PCDHGA12: variants seen among roughly 807,000 people sequenced by gnomAD.
PCDHGA12 encodes protocadherin gamma-A12.
Under a neutral mutation model 61.1 loss-of-function variants are expected in PCDHGA12, and 43 were observed. That is an observed-to-expected ratio of 0.70 (90% confidence interval 0.55 to 0.91). The LOEUF is 0.91. PCDHGA12 is among the 40% of genes least tolerant of loss of function. PCDHGA12 has a pLI of 0.00. For synonymous variants in PCDHGA12, 520 were observed against 542.9 expected (o/e 0.96, Z 0.59); for missense variants, 1,236 against 1,227.7 (o/e 1.01, Z -0.10).
Position 141,431,518 on chromosome 5 carries a change from G to T in PCDHGA12, c.759G>T (p.Glu253Asp). 6.2e-7 allele frequency: 1 copy of T among 1,614,090 alleles called. No individual in the cohort carries two copies. Among genetic ancestry groups the T allele is most frequent in the Non-Finnish European group, 8.5e-7 (1 of 1,180,038 alleles). ...CCGAGTACCGCGCGAGCGTTCCGGA[G>T]AATCTGGCCTTGGGCACGCAGCTGC... ...AQPEYRASVP[E>D]NLALGTQLLV... is the part of the protein sequence containing the mutation. Residue 253 changes from glutamate (E) to aspartate (D), a missense_variant, in exon 1 of 4, where the codon GAG becomes GAT. Glu to Asp is a conservative substitution (Grantham distance 45, BLOSUM62 2). Coordinates refer to ENST00000252085, the MANE Select transcript of PCDHGA12 (RefSeq NM_003735.3). The surrounding 1 kb of genome is among the most constrained non-coding windows in gnomAD (Gnocchi z 4.8).
In PCDHGA12 at chr5:141,476,776, G is replaced by A. The variant is rs764674164; in HGVS notation, c.2425-18031G>A. 9.3e-6 allele frequency: 15 copies of A among 1,612,744 alleles called. No homozygotes were observed. The highest frequency in any genetic ancestry group is 1.3e-5 in the Non-Finnish European group (15 of 1,179,218). On this transcript the variant is annotated intron_variant, in intron 1 of 3. Coordinates refer to ENST00000252085, the MANE Select transcript of PCDHGA12 (RefSeq NM_003735.3). This position sits in a 1 kb window ranked among gnomAD's most constrained non-coding sequence, Gnocchi z 7.6. ...TAGTGCTGACGGCGTTGGACGGAGG[G>A]ACCCCAGCTCTCTCCGCCAGCCTGC...
At chr5:141,467,373 T>C (rs2099143070) in intron 1 of PCDHGA12, among the ~76,000 whole-genome samples, 1 of 152,064 alleles carries the variant, frequency 6.6e-6, no homozygotes, top group Non-Finnish European at 1.5e-5. Context: ...TTTCTTATAT[T>C]GCATTTAGGT....
intron 1 of PCDHGA12, among the ~76,000 whole-genome samples, chr5:141,481,794 A>C (rs1433830305): frequency 6.6e-6 from 1 of 152,136 alleles, no homozygotes; most frequent in East Asian, 1.9e-4. Context: ...TCTACTAAAA[A>C]TACAAAAATT....
At chr5:141,475,889 T>C in intron 1 of PCDHGA12, 1 of 562,248 alleles carries the variant, frequency 1.8e-6, no homozygotes, top group Non-Finnish European at 3.1e-6. Context: ...GCTGGGACTC[T>C]GTGTGCCGCT....
intron 2 of PCDHGA12, among the ~76,000 whole-genome samples, chr5:141,504,355 C>T (rs974022699): frequency 6.6e-6 from 1 of 152,078 alleles, no homozygotes; most frequent in Non-Finnish European, 1.5e-5. Flanking sequence ...GTGCTAGGTG[C>T]TTCAGTAGGA....
intron 1 of PCDHGA12, among the ~76,000 whole-genome samples, chr5:141,436,677 G>T (rs966497986): frequency 2.2e-4 from 33 of 152,278 alleles, no homozygotes; most frequent in Non-Finnish European, 2.9e-5. Flanking sequence ...CCAAAAAAAG[G>T]ATTTATATTT....
Position 141,431,354 on chromosome 5 carries a change from G to GCC in PCDHGA12, c.597_598dup (p.Leu200ProfsTer32). The GCC allele has an allele frequency of 6.2e-7, 1 of 1,614,036 alleles. No individual in the cohort carries two copies. Among genetic ancestry groups the GCC allele is most frequent in the African/African-American group, 1.3e-5 (1 of 75,052 alleles). On this transcript the variant is annotated frameshift_variant, in exon 1 of 4. Transcript: ENST00000252085. LOFTEE classifies it high-confidence loss of function. This position sits in a 1 kb window ranked among gnomAD's most constrained non-coding sequence, Gnocchi z 4.8. Reference sequence around the variant, plus strand: ...GTACCCCGAATTGGTGCTGAAACGCGCCCTGGACCGCGAAGAAAAGGCTGC... The same window carrying GCC: ...GTACCCCGAATTGGTGCTGAAACGCGCCCCCTGGACCGCGAAGAAAAGGCTGC...
At chr5:141,445,020 C>T (rs2098454249) in intron 1 of PCDHGA12, among the ~76,000 whole-genome samples, 1 of 152,130 alleles carries the variant, frequency 6.6e-6, no homozygotes, top group Non-Finnish European at 1.5e-5. Flanking sequence ...TTTAATTTCT[C>T]TCAGCTATGT....
At chr5:141,469,994 C>T (rs948868787) in intron 1 of PCDHGA12, among the ~76,000 whole-genome samples, 2 of 151,830 alleles carry the variant, frequency 1.3e-5, no homozygotes, top group Non-Finnish European at 1.5e-5. Flanking sequence ...AGCTGGTCGT[C>T]GTGGCACGCC....
intron 1 of PCDHGA12, among the ~76,000 whole-genome samples, chr5:141,480,959 C>A (rs1476891394): frequency 1.3e-5 from 2 of 152,086 alleles, no homozygotes; most frequent in East Asian, 3.8e-4. Flanking sequence ...GCGGAAGCAT[C>A]AGTGAGGGAG....
In PCDHGA12 at chr5:141,491,410, G is replaced by T. The variant is rs777207581; in HGVS notation, c.2425-3397G>T. On this transcript the variant is annotated intron_variant, in intron 1 of 3. Transcript: ENST00000252085. The surrounding 1 kb of genome is among the most constrained non-coding windows in gnomAD (Gnocchi z 6.9). ...GTGCCTTCAGGGAAACGCAGACGGG[G>T]ACGGGGGTGGAGGGCAGTGCTGCAG... 28 of 1,614,142 alleles carry T rather than the reference G, an allele frequency of 1.7e-5. No individual in the cohort carries two copies. The highest frequency in any genetic ancestry group is 2.4e-5 in the Non-Finnish European group (28 of 1,180,034).
In PCDHGA12 at chr5:141,486,671, C is replaced by A. The variant is rs1307620045; in HGVS notation, c.2425-8136C>A. On this transcript the variant is annotated intron_variant, in intron 1 of 3. Coordinates refer to ENST00000252085, the MANE Select transcript of PCDHGA12 (RefSeq NM_003735.3). The surrounding 1 kb of genome is among the most constrained non-coding windows in gnomAD (Gnocchi z 5.0). The stretch of plus-strand genomic sequence containing the variant: ...CTACTCACTCCTGGAGCCCAGGAAT[C>A]GAGATGTATCAGCTTCCTCTTTCAT... 1.9e-6 allele frequency: 3 copies of A among 1,614,044 alleles called. No individual in the cohort carries two copies. The highest frequency in any genetic ancestry group is 2.5e-6 in the Non-Finnish European group (3 of 1,180,014).
intron 1 of PCDHGA12, 43 bp downstream of exon 1, chr5:141,433,226 C>G (rs1433770157): frequency 6.6e-7 from 1 of 1,514,890 alleles, no homozygotes; most frequent in Non-Finnish European, 9.0e-7. Context: ...TTTTTAATTG[C>G]TCTGTCTCCC....
At chr5:141,437,096 C>T (rs989863634) in intron 1 of PCDHGA12, among the ~76,000 whole-genome samples, 6 of 152,122 alleles carry the variant, frequency 3.9e-5, no homozygotes, top group Non-Finnish European at 8.8e-5. Context: ...AAACTAACGG[C>T]TTAGCTTTAG....
rs1032345173 is a variant in PCDHGA12 at position 141,468,852 on chromosome 5, C to T, written c.2425-25955C>T. Among the ~76,000 whole-genome samples the T allele has an allele frequency of 7.2e-5, 11 of 151,868 alleles. No individual in the cohort carries two copies. In the East Asian group the frequency reaches 9.7e-4, roughly 13 times the overall value. On this transcript the variant is annotated intron_variant, in intron 1 of 3. Transcript: ENST00000252085. ...CTGCACTCCAGCCTGGGCAACAGAG[C>T]GAGACTCCATCTCAAAAATAATAAT... is the stretch of plus-strand genomic sequence containing the variant.
At chr5:141,484,916 CCTG>C (rs34524370) in intron 1 of PCDHGA12, 64,782 of 456,708 alleles carry the variant, frequency 0.14, 4,878 homozygotes, top group African/African-American at 0.18. Context: ...ACGCATTAAC[CCTG>C]CTGCTGTTGG....
chr5:141,454,779 A>G (rs1387404898), intron 1 of PCDHGA12, among the ~76,000 whole-genome samples: 2 of 146,092 alleles, frequency 1.4e-5, no homozygotes, highest in African/African-American at 2.6e-5. Context: ...ACAAGGAAAT[A>G]ATCCTCCATG....
chr5:141,490,120 G>A lies in PCDHGA12; in HGVS notation c.2425-4687G>A. On this transcript the variant is annotated intron_variant, in intron 1 of 3. Coordinates refer to ENST00000252085, the MANE Select transcript of PCDHGA12 (RefSeq NM_003735.3). This position sits in a 1 kb window ranked among gnomAD's most constrained non-coding sequence, Gnocchi z 5.4. ...ATCTGAGGCAGTGCGGAACCTCTTT[G>A]GCCTAGACCCTAGCAGTGGGGCAAT... 6.2e-7 allele frequency: 1 copy of A among 1,614,224 alleles called. No homozygotes were observed. Among genetic ancestry groups the A allele is most frequent in the East Asian group, 2.2e-5 (1 of 44,888 alleles).
At chr5:141,448,143 A>C (rs2098568288) in intron 1 of PCDHGA12, among the ~76,000 whole-genome samples, 1 of 152,012 alleles carries the variant, frequency 6.6e-6, no homozygotes, top group Admixed American at 6.6e-5. Context: ...ACTATACCTC[A>C]GACTCACCCC....
Sources: gnomAD v4.1 joint callset for allele counts (sites outside exome capture counted in the v4.1 genomes callset) on GRCh38, gnomAD v4.1.1 for gene constraint, Gnocchi (gnomAD v3.1) non-coding constraint, MANE v1.5 for transcripts, NCBI Gene and HGNC (gene_info 2026-07-23, HGNC 2026-07-21) for gene names.